FGF12: variants seen among roughly 807,000 people sequenced by gnomAD.
FGF12 encodes fibroblast growth factor 12B.
In FGF12, 14 loss-of-function variants were observed where a neutral mutation model predicts 23.6. The observed-to-expected ratio is 0.59, with a 90% CI of 0.39 to 0.93. The LOEUF (loss-of-function observed/expected upper bound fraction) is 0.93, where lower values mean the gene tolerates loss of function less well. Ranked by LOEUF, FGF12 falls within the 40% of genes least tolerant of loss-of-function variation. FGF12 has a pLI of 0.00. For synonymous variants in FGF12, 62 were observed against 77.3 expected (o/e 0.80, Z 1.04); for missense variants, 175 against 217.8 (o/e 0.80, Z 1.24).
intron 2 of FGF12, among the ~76,000 whole-genome samples, chr3:192,608,068 C>T (rs1333520330): frequency 6.6e-6 from 1 of 151,992 alleles, no homozygotes; most frequent in South Asian, 2.1e-4. Flanking sequence ...CGCATGCTCT[C>T]GCTTATTTGT....
At chr3:192,392,193 G>A (rs1355523828) in intron 2 of FGF12, among the ~76,000 whole-genome samples, 1 of 152,080 alleles carries the variant, frequency 6.6e-6, no homozygotes, top group African/African-American at 2.4e-5. Context: ...GACAGACTTT[G>A]AATTAATATT....
chr3:192,653,694 T>C (rs1716293115), intron 2 of FGF12, among the ~76,000 whole-genome samples: 1 of 150,402 alleles, frequency 6.6e-6, no homozygotes, highest in African/African-American at 2.4e-5. Flanking sequence ...AATAAAACTC[T>C]TTCAATATAT....
intron 4 of FGF12, among the ~76,000 whole-genome samples, chr3:192,257,448 G>A (rs917123933): frequency 2.6e-5 from 4 of 152,010 alleles, no homozygotes; most frequent in Non-Finnish European, 4.4e-5. Flanking sequence ...GCTTGTAATC[G>A]TGCACATCCC....
At chr3:192,718,217 A>C (rs1382439602) in intron 2 of FGF12, among the ~76,000 whole-genome samples, 1 of 135,266 alleles carries the variant, frequency 7.4e-6, no homozygotes, top group Non-Finnish European at 1.5e-5. Flanking sequence ...GCTGGCAGAG[A>C]GAAGAAAACC....
intron 4 of FGF12, among the ~76,000 whole-genome samples, chr3:192,283,337 G>A (rs1714263447): frequency 6.6e-6 from 1 of 151,918 alleles, no homozygotes; most frequent in Admixed American, 6.6e-5. Context: ...GATTCACCTT[G>A]TTTTCTTTCC....
intron 5 of FGF12, among the ~76,000 whole-genome samples, chr3:192,164,395 T>C (rs1183586517): frequency 6.6e-6 from 1 of 152,142 alleles, no homozygotes; most frequent in South Asian, 2.1e-4. Context: ...TAGGTGACCC[T>C]GAAACCCCTC....
intron 2 of FGF12, among the ~76,000 whole-genome samples, chr3:192,684,506 T>C (rs1717662838): frequency 6.6e-6 from 1 of 152,124 alleles, no homozygotes; most frequent in African/African-American, 2.4e-5. Flanking sequence ...GTTCATCTGC[T>C]CTAAACAGCT....
At chr3:192,539,576 A>G (rs989183145) in intron 2 of FGF12, among the ~76,000 whole-genome samples, 3 of 152,124 alleles carry the variant, frequency 2.0e-5, no homozygotes, top group Non-Finnish European at 2.9e-5. Flanking sequence ...TTTTGCATCA[A>G]TGTTCAACAG....
intron 4 of FGF12, among the ~76,000 whole-genome samples, chr3:192,302,543 G>T (rs1715404215): frequency 6.6e-6 from 1 of 152,116 alleles, no homozygotes; most frequent in Admixed American, 6.6e-5. Flanking sequence ...ATTTAAGGAG[G>T]GGTGTTTACT....
At chr3:192,605,730 C>T (rs1331821331) in intron 2 of FGF12, among the ~76,000 whole-genome samples, 1 of 152,070 alleles carries the variant, frequency 6.6e-6, no homozygotes, top group African/African-American at 2.4e-5. Flanking sequence ...ACACACACTT[C>T]TTAAAAGACA....
chr3:192,522,825 T>G (rs966988466), intron 2 of FGF12, among the ~76,000 whole-genome samples: 9 of 152,222 alleles, frequency 5.9e-5, no homozygotes, highest in African/African-American at 2.2e-4. Flanking sequence ...AGAATAAATA[T>G]AGTTTGCCAC....
intron 2 of FGF12, among the ~76,000 whole-genome samples, chr3:192,459,238 T>G (rs1722779898): frequency 6.6e-6 from 1 of 152,228 alleles, no homozygotes; most frequent in African/African-American, 2.4e-5. Flanking sequence ...TATCAAATAC[T>G]GGAGTTGCTC....
intron 2 of FGF12, among the ~76,000 whole-genome samples, chr3:192,475,488 C>G (rs1039674335): frequency 6.6e-6 from 1 of 152,166 alleles, no homozygotes. Context: ...ACTGGAAATA[C>G]CAGCTTGGTC....
At chr3:192,216,161 A>G (rs1166016154) in intron 4 of FGF12, among the ~76,000 whole-genome samples, 1 of 152,216 alleles carries the variant, frequency 6.6e-6, no homozygotes, top group African/African-American at 2.4e-5. Context: ...GTTATATTCA[A>G]TGACAGAAAA....
chr3:192,166,806 G>C (rs1465328353), intron 5 of FGF12, among the ~76,000 whole-genome samples: 1 of 151,990 alleles, frequency 6.6e-6, no homozygotes, highest in Non-Finnish European at 1.5e-5. Flanking sequence ...GGAATGAGAA[G>C]GTGTTTGGCC....
In FGF12 at chr3:192,384,532, T is replaced by C. The variant is rs376060503; in HGVS notation, c.14-23994A>G. ...AAGGATAGAACAGATGTTAATTTGC[T>C]TATTCAGATGCAAAAGTGTTGAGGA... On this transcript the variant is annotated intron_variant, in intron 2 of 5. Coordinates refer to ENST00000445105, the MANE Select transcript of FGF12 (RefSeq NM_004113.6). Among the ~76,000 whole-genome samples, 13 of 152,338 alleles carry C rather than the reference T, an allele frequency of 8.5e-5. No homozygotes were observed. The East Asian group carries it at 2.5e-3, about 29-fold the overall frequency.
chr3:192,505,973 G>T (rs1408203656), intron 2 of FGF12, among the ~76,000 whole-genome samples: 1 of 152,210 alleles, frequency 6.6e-6, no homozygotes, highest in African/African-American at 2.4e-5. Context: ...TAGTTCTGAT[G>T]CATGCATACT....
chr3:192,434,941 C>T (rs921254420), intron 2 of FGF12, among the ~76,000 whole-genome samples: 6 of 152,072 alleles, frequency 3.9e-5, no homozygotes, highest in African/African-American at 1.4e-4. Flanking sequence ...GCATGTTTCT[C>T]AGTGGTGCTG....
intron 4 of FGF12, among the ~76,000 whole-genome samples, chr3:192,203,467 G>A (rs981767626): frequency 1.3e-5 from 2 of 151,732 alleles, no homozygotes; most frequent in African/African-American, 4.8e-5. Context: ...AATATCACAT[G>A]TCTATATGTC....
Sources: allele counts gnomAD v4.1 joint callset (sites outside exome capture counted in the v4.1 genomes callset), GRCh38; gene constraint gnomAD v4.1.1; transcripts MANE v1.5; gene names NCBI Gene and HGNC (gene_info 2026-07-23, HGNC 2026-07-21).